PTPRK: variants seen among roughly 807,000 people sequenced by gnomAD.
PTPRK encodes the protein receptor-type tyrosine-protein phosphatase kappa.
PTPRK carries 75 observed loss-of-function variants against 178.0 expected under a neutral mutation model. The ratio of observed to expected loss-of-function variants is 0.42; its 90% CI spans 0.35 to 0.51. PTPRK has a LOEUF of 0.51. PTPRK is among the 20% of genes least tolerant of loss of function. The pLI is 0.02. For synonymous variants in PTPRK, 637 were observed against 620.6 expected (o/e 1.03, Z -0.39); for missense variants, 1,441 against 1,797.8 (o/e 0.80, Z 3.59).
intron 7 of PTPRK, among the ~76,000 whole-genome samples, chr6:128,144,474 C>T (rs915271886): frequency 6.6e-6 from 1 of 152,142 alleles, no homozygotes; most frequent in Non-Finnish European, 1.5e-5. Context: ...GAACATTCCT[C>T]CCCCAGAGAG....
intron 7 of PTPRK, among the ~76,000 whole-genome samples, chr6:128,182,266 G>T (rs769264746): frequency 1.3e-5 from 2 of 152,136 alleles, no homozygotes; most frequent in Non-Finnish European, 2.9e-5. Flanking sequence ...AAAATATCAA[G>T]ACATTTATAA....
intron 1 of PTPRK, among the ~76,000 whole-genome samples, chr6:128,407,633 C>A (rs1347327121): frequency 1.2e-4 from 12 of 97,756 alleles, no homozygotes; most frequent in African/African-American, 2.5e-4. Flanking sequence ...AAGACCCTAT[C>A]AAAAAAAAAA....
At chr6:128,330,310 CA>C (rs1489715644) in intron 2 of PTPRK, among the ~76,000 whole-genome samples, 1 of 152,028 alleles carries the variant, frequency 6.6e-6, no homozygotes, top group Admixed American at 6.6e-5. Flanking sequence ...GTGCTGAAGG[CA>C]ATGCCATTAC....
chr6:128,441,786 C>T (rs1300521152), intron 1 of PTPRK, among the ~76,000 whole-genome samples: 1 of 152,188 alleles, frequency 6.6e-6, no homozygotes, highest in Non-Finnish European at 1.5e-5. Context: ...AGCTAGACAG[C>T]TGGTTTTGGT....
intron 7 of PTPRK, among the ~76,000 whole-genome samples, chr6:128,139,684 G>A (rs1168502308): frequency 1.3e-5 from 2 of 151,794 alleles, no homozygotes; most frequent in African/African-American, 2.4e-5. Context: ...AATCCAGGTT[G>A]CCCTTCATTG....
chr6:128,030,883 C>T (rs562995938), intron 13 of PTPRK, among the ~76,000 whole-genome samples: 1 of 152,280 alleles, frequency 6.6e-6, no homozygotes, highest in Non-Finnish European at 1.5e-5. Context: ...TGGTTACGAA[C>T]ATCTGAGTAT....
At chr6:128,241,661 T>C (rs997698082) in intron 4 of PTPRK, among the ~76,000 whole-genome samples, 6 of 152,212 alleles carry the variant, frequency 3.9e-5, no homozygotes, top group African/African-American at 1.4e-4. Flanking sequence ...AGTAATTGTT[T>C]TTCATGGACT....
chr6:127,976,514 G>A, intron 27 of PTPRK, 143 bp downstream of exon 27: 2 of 1,010,562 alleles, frequency 2.0e-6, no homozygotes, highest in South Asian at 1.6e-5. Context: ...CGAGTACTAA[G>A]GCATAAGATG....
intron 13 of PTPRK, among the ~76,000 whole-genome samples, chr6:128,016,398 C>T (rs758968940): frequency 6.6e-5 from 10 of 151,850 alleles, no homozygotes; most frequent in Middle Eastern, 3.4e-3. Context: ...CCCTTATCTT[C>T]GGAAAGAAAG....
At chr6:128,157,948 C>T (rs945417837) in intron 7 of PTPRK, among the ~76,000 whole-genome samples, 1 of 151,912 alleles carries the variant, frequency 6.6e-6, no homozygotes, top group African/African-American at 2.4e-5. Context: ...TAATTAGATC[C>T]CATTTGTCAA....
At chr6:127,980,205 G>T (rs1377850973) in intron 25 of PTPRK, among the ~76,000 whole-genome samples, 1 of 152,220 alleles carries the variant, frequency 6.6e-6, no homozygotes, top group Non-Finnish European at 1.5e-5. Flanking sequence ...AGCTACTTGG[G>T]AGGCAAAGGC....
At chr6:128,131,894 C>T (rs1271672442) in intron 7 of PTPRK, among the ~76,000 whole-genome samples, 1 of 152,052 alleles carries the variant, frequency 6.6e-6, no homozygotes, top group Non-Finnish European at 1.5e-5. Context: ...TTGTTCTTGG[C>T]TCTGATCTCT....
intron 1 of PTPRK, among the ~76,000 whole-genome samples, chr6:128,502,744 C>T (rs969054664): frequency 4.9e-4 from 74 of 152,246 alleles, no homozygotes; most frequent in African/African-American, 1.6e-3. Context: ...AAACTTATCA[C>T]TTTCTAATTA....
intron 3 of PTPRK, among the ~76,000 whole-genome samples, chr6:128,300,414 C>T (rs951704980): frequency 6.6e-6 from 1 of 151,988 alleles, no homozygotes; most frequent in Non-Finnish European, 1.5e-5. Context: ...TATAAAGACA[C>T]ATACACACGT....
At chr6:128,489,880 A>G (rs773020023) in intron 1 of PTPRK, among the ~76,000 whole-genome samples, 13 of 152,194 alleles carry the variant, frequency 8.5e-5, no homozygotes, top group Non-Finnish European at 1.8e-4. Context: ...CTGCATTTTC[A>G]GGAAGCTTCC....
At chr6:128,193,029 T>G (rs1804118092) in intron 6 of PTPRK, among the ~76,000 whole-genome samples, 1 of 152,064 alleles carries the variant, frequency 6.6e-6, no homozygotes, top group Admixed American at 6.6e-5. Flanking sequence ...GAATCGACAC[T>G]TGGAGAACAC....
At chr6:127,972,924 A>G in intron 29 of PTPRK, 98 bp downstream of exon 29, 1 of 1,262,794 alleles carries the variant, frequency 7.9e-7, no homozygotes, top group Admixed American at 2.0e-5. Context: ...TCATTTTCAC[A>G]TCTGATTCCC....
At chr6:128,349,157 C>T (rs1832795320) in intron 2 of PTPRK, among the ~76,000 whole-genome samples, 1 of 152,122 alleles carries the variant, frequency 6.6e-6, no homozygotes, top group African/African-American at 2.4e-5. Context: ...ACATGAACAA[C>T]ACTTCACTGT....
chr6:128,232,388 G>C (rs2128279653), intron 5 of PTPRK, among the ~76,000 whole-genome samples: 1 of 152,298 alleles, frequency 6.6e-6, no homozygotes, highest in East Asian at 1.9e-4. Flanking sequence ...AGGGCAAAAA[G>C]TATCTTAAAA....
Sources: allele counts gnomAD v4.1 joint callset (sites outside exome capture counted in the v4.1 genomes callset), GRCh38; gene constraint gnomAD v4.1.1; transcripts MANE v1.5; gene names NCBI Gene and HGNC (gene_info 2026-07-23, HGNC 2026-07-21).